The following UBR3 variants were observed in gnomAD, a reference collection of about 807,000 sequenced individuals.
UBR3 encodes the protein E3 ubiquitin-protein ligase UBR3.
Under a neutral mutation model 243.2 loss-of-function variants are expected in UBR3, and 85 were observed. The ratio of observed to expected loss-of-function variants is 0.35; its 90% CI spans 0.29 to 0.42. The LOEUF is 0.42. Among genes scored for constraint, UBR3 ranks in the 10% least tolerant of loss-of-function variants. UBR3 has a pLI of 1.00. For synonymous variants in UBR3, 748 were observed against 799.8 expected, an observed-to-expected ratio of 0.94 and a Z score of 1.09; for missense variants, 1,686 against 2,300.8, an observed-to-expected ratio of 0.73 and a Z score of 5.47.
At chr2:169,952,799 C>T (rs2087099008) in intron 23 of UBR3, among the ~76,000 whole-genome samples, 1 of 151,806 alleles carries the variant, frequency 6.6e-6, no homozygotes, top group African/African-American at 2.4e-5. Context: ...AGAACTAACA[C>T]AAAATTTGTT....
chr2:169,890,538 G>GATATATATATATATAT (rs1238478825), intron 5 of UBR3, among the ~76,000 whole-genome samples: 6 of 77,592 alleles, frequency 7.7e-5, no homozygotes, highest in African/African-American at 3.7e-4. Context: ...GAGAGAGAGA[G>GATATATATATATATAT]AGATATATAT....
chr2:170,044,119 T>C (rs1432615562), intron 32 of UBR3, among the ~76,000 whole-genome samples: 4 of 152,146 alleles, frequency 2.6e-5, no homozygotes, highest in Non-Finnish European at 5.9e-5. Flanking sequence ...AATATAAATT[T>C]TTCTTCTCCA....
intron 35 of UBR3, among the ~76,000 whole-genome samples, chr2:170,066,213 C>G (rs1294174306): frequency 1.3e-5 from 2 of 152,170 alleles, no homozygotes; most frequent in Admixed American, 6.5e-5. Flanking sequence ...GATGTTCTAA[C>G]ACAGCAAGCT....
chr2:170,025,564 C>G (rs6726914), intron 30 of UBR3, among the ~76,000 whole-genome samples: 1 of 152,246 alleles, frequency 6.6e-6, no homozygotes, highest in East Asian at 1.9e-4. Context: ...GCTTTCTATG[C>G]CTGTTCCTTC....
chr2:169,896,466 A>T, intron 7 of UBR3, 41 bp from the exon 8 acceptor site: 2 of 1,248,494 alleles, frequency 1.6e-6, no homozygotes, highest in Non-Finnish European at 2.2e-6. Flanking sequence ...ATTAAAAATT[A>T]AAACTAATGT....
At chr2:169,895,350 T>A in intron 7 of UBR3, 39 bp downstream of exon 7, 1 of 1,511,958 alleles carries the variant, frequency 6.6e-7, no homozygotes, top group Non-Finnish European at 8.8e-7. Flanking sequence ...ACTTAGCTTT[T>A]CTTTCTTTGC....
intron 1 of UBR3, among the ~76,000 whole-genome samples, chr2:169,838,428 TGTGTGTGTG>T (rs1477175968): frequency 1.3e-5 from 2 of 148,470 alleles, no homozygotes; most frequent in East Asian, 3.9e-4. Context: ...TGTGTGTGTG[TGTGTGTGTG>T]TGTGTGTGTG....
intron 24 of UBR3, among the ~76,000 whole-genome samples, chr2:169,980,944 C>T (rs1263503654): frequency 6.6e-6 from 1 of 151,642 alleles, no homozygotes; most frequent in African/African-American, 2.4e-5. Context: ...AACAAACAAC[C>T]CCCACCCCCT....
intron 24 of UBR3, among the ~76,000 whole-genome samples, chr2:169,978,898 C>T (rs1203785254): frequency 6.6e-6 from 1 of 152,072 alleles, no homozygotes; most frequent in African/African-American, 2.4e-5. Flanking sequence ...GGTGTTATAT[C>T]GGCCTAGCCC....
chr2:170,051,384 C>T (rs777480169), intron 32 of UBR3, among the ~76,000 whole-genome samples: 36 of 152,192 alleles, frequency 2.4e-4, no homozygotes, highest in Non-Finnish European at 4.0e-4. Context: ...ACTCTTGTTG[C>T]CCAGGCTGGA....
intron 10 of UBR3, among the ~76,000 whole-genome samples, chr2:169,912,695 A>G (rs1440197074): frequency 1.3e-5 from 2 of 151,958 alleles, no homozygotes; most frequent in Non-Finnish European, 2.9e-5. Context: ...GTGAACATAT[A>G]TTTTCAATTT....
In UBR3 at chr2:169,885,466, A is replaced by G. The variant is rs115653066; in HGVS notation, c.1039-5699A>G. ...CGTGGTGGCACATGCCTGTAATCCTAGCTCCGGAGGTTGAGGCAGGAGGAT... is the reference window on the plus strand; with the variant it reads ...CGTGGTGGCACATGCCTGTAATCCTGGCTCCGGAGGTTGAGGCAGGAGGAT... On this transcript the variant is annotated intron_variant, in intron 5 of 38. Coordinates refer to ENST00000272793, the MANE Select transcript of UBR3 (RefSeq NM_172070.4). Among the ~76,000 whole-genome samples, 1,212 of 152,190 alleles carry G rather than the reference A, an allele frequency of 8.0e-3. 18 individuals carry two copies. Among genetic ancestry groups the G allele is most frequent in the African/African-American group, 0.028 (1,150 of 41,532 alleles).
Position 170,080,696 on chromosome 2 carries a change from A to G in UBR3, c.5549+12A>G. 6.2e-7 allele frequency: 1 copy of G among 1,613,338 alleles called. No homozygotes were observed. ...GACCGGGATCTTAGGTTAGATGTTC[A>G]TGGATATATCCAGGTGTTTTATTGA... On this transcript the variant is annotated intron_variant, in intron 38 of 38. Transcript: ENST00000272793.
chr2:169,839,472 C>T (rs997506692), intron 1 of UBR3, among the ~76,000 whole-genome samples: 3 of 151,824 alleles, frequency 2.0e-5, no homozygotes, highest in African/African-American at 7.2e-5. Flanking sequence ...AGTAGGGTAA[C>T]TGTAGTTTAC....
chr2:169,895,364 T>C, intron 7 of UBR3, 53 bp downstream of exon 7: 15 of 1,492,472 alleles, frequency 1.0e-5, no homozygotes, highest in Non-Finnish European at 1.3e-5. Context: ...TCTTTGCCTT[T>C]CATTATTAAA....
intron 1 of UBR3, among the ~76,000 whole-genome samples, chr2:169,871,306 A>G (rs2083430015): frequency 1.3e-5 from 2 of 152,040 alleles, no homozygotes; most frequent in African/African-American, 4.8e-5. Flanking sequence ...AAAAATAAAA[A>G]AATTAGCCAG....
In UBR3 at chr2:169,926,925, C is replaced by A. The variant is rs1188233816; in HGVS notation, c.2292C>A (p.Gly764=). Reference sequence around the variant, plus strand: ...AGCATGAGAGGTCGATGTTAGAAGGCGCTCTTACATTTCTTGTGATTCTTT... The same window carrying A: ...AGCATGAGAGGTCGATGTTAGAAGGAGCTCTTACATTTCTTGTGATTCTTT... ...DAEHERSMLE[G]ALTFLVILLS... Residue 764 remains glycine, a synonymous_variant, in exon 16 of 39, where the codon GGC becomes GGA. Coordinates refer to ENST00000272793, the MANE Select transcript of UBR3 (RefSeq NM_172070.4). 1 of 1,551,084 alleles carries A rather than the reference C, an allele frequency of 6.4e-7. No individual in the cohort carries two copies. The highest frequency in any genetic ancestry group is 1.2e-5 in the South Asian group (1 of 83,952).
At position 169,981,759 on chromosome 2, in the gene UBR3, T is replaced by TG. The variant is rs543562775; in HGVS notation, c.3635-4879dup. On this transcript the variant is annotated intron_variant, in intron 24 of 38. Coordinates refer to ENST00000272793, the MANE Select transcript of UBR3 (RefSeq NM_172070.4). Reference sequence around the variant, plus strand: ...TAATGTAAAGTTTAAGATGAAACTGTGGGGGGGAGGGTACATGTAGTATCT... The same window carrying TG: ...TAATGTAAAGTTTAAGATGAAACTGTGGGGGGGGAGGGTACATGTAGTATCT... 1.8e-3 allele frequency among the ~76,000 whole-genome samples: 278 copies of TG among 151,826 alleles called. 2 individuals carry two copies. The highest frequency in any genetic ancestry group is 5.9e-3 in the African/African-American group (244 of 41,286).
intron 32 of UBR3, among the ~76,000 whole-genome samples, chr2:170,043,573 T>C (rs1272739683): frequency 2.6e-5 from 4 of 152,196 alleles, no homozygotes; most frequent in African/African-American, 9.6e-5. Flanking sequence ...AGTAATATCA[T>C]TAAAGAAGAG....
Sources: allele counts gnomAD v4.1 joint callset (sites outside exome capture counted in the v4.1 genomes callset), GRCh38; gene constraint gnomAD v4.1.1; transcripts MANE v1.5; gene names NCBI Gene and HGNC (gene_info 2026-07-23, HGNC 2026-07-21).